Variants in LSM6 observed in about 807,000 individuals in gnomAD.
LSM6 encodes LSM6 homolog, U6 small nuclear RNA and mRNA degradation associated.
In LSM6, 2 loss-of-function variants were observed where a neutral mutation model predicts 13.5. That is an observed-to-expected ratio of 0.15 (90% CI 0.06 to 0.47). LSM6 has a LOEUF of 0.47. Among genes scored for constraint, LSM6 ranks in the 20% least tolerant of loss-of-function variants. LSM6 has a pLI of 0.97. For synonymous variants in LSM6, 43 were observed against 34.9 expected (o/e 1.23, Z -0.82); for missense variants, 58 against 96.4 (o/e 0.60, Z 1.67).
chr4:146,181,442 A>G (rs1730228822), intron 1 of LSM6: 1 of 152,204 alleles, frequency 6.6e-6, no homozygotes, highest in South Asian at 2.1e-4. Flanking sequence ...GTGTACATGT[A>G]CATGTAATTT....
At chr4:146,188,108 TGC>T (rs1228196401) in intron 3 of LSM6, among the ~76,000 whole-genome samples, 1 of 152,182 alleles carries the variant, frequency 6.6e-6, no homozygotes, top group Non-Finnish European at 1.5e-5. Flanking sequence ...TGGATCTCTT[TGC>T]TATAAACTAA....
chr4:146,186,691 A>G (rs1048319891), intron 2 of LSM6, among the ~76,000 whole-genome samples: 2 of 152,236 alleles, frequency 1.3e-5, no homozygotes, highest in African/African-American at 4.8e-5. Context: ...TATATTCTCA[A>G]GCTGCTCTTC....
chr4:146,187,972 G>C (rs1730384821), intron 3 of LSM6, among the ~76,000 whole-genome samples: 1 of 152,078 alleles, frequency 6.6e-6, no homozygotes, highest in African/African-American at 2.4e-5. Flanking sequence ...GGTGGGGAGG[G>C]AAAGATATCA....
chr4:146,189,520 C>G, intron 3 of LSM6, 102 bp from the exon 4 acceptor site: 1 of 693,368 alleles, frequency 1.4e-6, no homozygotes, highest in South Asian at 1.7e-5. Context: ...TTTTAAATGT[C>G]AGATGTATCA....
At chr4:146,188,214 C>G (rs1730389807) in intron 3 of LSM6, among the ~76,000 whole-genome samples, 2 of 152,112 alleles carry the variant, frequency 1.3e-5, no homozygotes, top group South Asian at 4.1e-4. Flanking sequence ...TCCTGGCTTT[C>G]TAGTCCTTTC....
Position 146,189,923 on chromosome 4 carries a change from A to G in LSM6, c.*267A>G. ...AAAAAGACAAAATATACCTCTTCCT[A>G]CAAGATTATTTAACTTAAGTTTCGA... On this transcript the variant is annotated 3_prime_UTR_variant, in exon 4 of 4. Transcript: ENST00000296581. 3.0e-6 allele frequency: 1 copy of G among 338,722 alleles called. No individual in the cohort carries two copies. Among genetic ancestry groups the G allele is most frequent in the Non-Finnish European group, 5.3e-6 (1 of 189,820 alleles). 21.0% of individuals were successfully genotyped at this position (338,722 alleles called of 1,614,324 possible). A position where few individuals can be genotyped will look rare whatever the true frequency, so the allele number is the denominator to read the frequency against.
intron 2 of LSM6, among the ~76,000 whole-genome samples, chr4:146,185,494 A>C (rs1394699923): frequency 6.6e-6 from 1 of 150,960 alleles, no homozygotes; most frequent in Non-Finnish European, 1.5e-5. Flanking sequence ...CCCCAAAGCA[A>C]AACAACAACA....
At chr4:146,188,362 T>C (rs1418665166) in intron 3 of LSM6, among the ~76,000 whole-genome samples, 2 of 151,566 alleles carry the variant, frequency 1.3e-5, no homozygotes, top group African/African-American at 2.4e-5. Flanking sequence ...TGCGTGTTGA[T>C]AGGGTAGATC....
At chr4:146,185,152 T>G (rs2110887445) in intron 2 of LSM6, among the ~76,000 whole-genome samples, 1 of 152,296 alleles carries the variant, frequency 6.6e-6, no homozygotes, top group South Asian at 2.1e-4. Context: ...AAACATCTCT[T>G]TAGAATCAAT....
At chr4:146,179,760 T>C (rs1730190773) in intron 1 of LSM6, among the ~76,000 whole-genome samples, 1 of 152,220 alleles carries the variant, frequency 6.6e-6, no homozygotes, top group Non-Finnish European at 1.5e-5. Context: ...GAGATGGGCA[T>C]CTGCACTCTG....
chr4:146,177,782 G>A (rs1730143362), intron 1 of LSM6, among the ~76,000 whole-genome samples: 1 of 152,120 alleles, frequency 6.6e-6, no homozygotes, highest in Non-Finnish European at 1.5e-5. Flanking sequence ...CTACCCACTA[G>A]GATAGCAGTA....
intron 2 of LSM6, among the ~76,000 whole-genome samples, chr4:146,184,610 G>C (rs1476480167): frequency 6.6e-6 from 1 of 152,138 alleles, no homozygotes; most frequent in Non-Finnish European, 1.5e-5. Context: ...CCCATAGGAA[G>C]TAATAGACTT....
At position 146,189,797 on chromosome 4, in the gene LSM6, G is replaced by A. The variant is rs1730430030; in HGVS notation, c.*141G>A. 3.3e-6 allele frequency: 2 copies of A among 597,572 alleles called. No homozygotes were observed. Among genetic ancestry groups the A allele is most frequent in the Non-Finnish European group, 5.9e-6 (2 of 337,198 alleles). The allele number at this position is 597,572 out of a possible 1,614,324, so 37.0% of individuals were successfully genotyped here. On this transcript the variant is annotated 3_prime_UTR_variant, in exon 4 of 4. Coordinates refer to ENST00000296581, the MANE Select transcript of LSM6 (RefSeq NM_007080.3). ...TCACTGACATGTGAGTAAGATAAAT[G>A]TATACAATTGTGGATTTAATTGTGA...
chr4:146,183,324 C>A, intron 2 of LSM6: 1 of 269,994 alleles, frequency 3.7e-6, no homozygotes, highest in Non-Finnish European at 7.3e-6. Context: ...GTATGAACAA[C>A]ACAACTGAAG....
At chr4:146,184,423 A>C (rs1730301544) in intron 2 of LSM6, among the ~76,000 whole-genome samples, 1 of 152,196 alleles carries the variant, frequency 6.6e-6, no homozygotes, top group Non-Finnish European at 1.5e-5. Context: ...GGCTCGGCTC[A>C]TAAGCCTTGT....
intron 3 of LSM6, among the ~76,000 whole-genome samples, chr4:146,188,985 CTTT>C (rs574933137): frequency 3.8e-4 from 50 of 131,302 alleles, no homozygotes; most frequent in Non-Finnish European, 3.8e-4. Flanking sequence ...TGAAAAGCAT[CTTT>C]TTTTTTTTTT....
chr4:146,185,173 A>G (rs1730318378), intron 2 of LSM6, among the ~76,000 whole-genome samples: 2 of 152,240 alleles, frequency 1.3e-5, no homozygotes, highest in Non-Finnish European at 2.9e-5. Context: ...TCCCTGGGCT[A>G]GGATTTACAA....
intron 1 of LSM6, among the ~76,000 whole-genome samples, chr4:146,180,017 C>G (rs1730198062): frequency 6.6e-6 from 1 of 152,222 alleles, no homozygotes; most frequent in African/African-American, 2.4e-5. Context: ...GCAGAGGCGT[C>G]TCCTCCTTGC....
rs150943130 is a variant in LSM6 at position 146,176,839 on chromosome 4, A to AT, written c.-11+1034dup. Among the ~76,000 whole-genome samples the AT allele has an allele frequency of 8.4e-3, 1,273 of 151,934 alleles. 22 individuals carry two copies. The highest frequency in any genetic ancestry group is 0.029 in the African/African-American group (1,208 of 41,414). ...TGCTTTGATAAACTCTTTTCCCCCTATTTTTTAGATTATTTCCTTGGACTA... is the reference window on the plus strand; with the variant it reads ...TGCTTTGATAAACTCTTTTCCCCCTATTTTTTTAGATTATTTCCTTGGACTA... On this transcript the variant is annotated intron_variant, in intron 1 of 3. Coordinates refer to ENST00000296581, the MANE Select transcript of LSM6 (RefSeq NM_007080.3).
Sources: allele counts gnomAD v4.1 joint callset (sites outside exome capture counted in the v4.1 genomes callset), GRCh38; gene constraint gnomAD v4.1.1; transcripts MANE v1.5; gene names NCBI Gene and HGNC (gene_info 2026-07-23, HGNC 2026-07-21).